The following RSRC1 variants were observed in gnomAD, a reference collection of about 807,000 sequenced individuals.
RSRC1 encodes the protein arginine and serine rich coiled-coil 1.
RSRC1 carries 39 observed loss-of-function variants against 49.1 expected under a neutral mutation model. That is an observed-to-expected ratio of 0.79 (90% CI 0.61 to 1.04). The LOEUF (loss-of-function observed/expected upper bound fraction) is 1.04, where lower values mean the gene tolerates loss of function less well. RSRC1 is among the 50% of genes least tolerant of loss of function. The pLI, the probability that RSRC1 is intolerant of heterozygous loss-of-function variation, is 0.00. For missense variants in RSRC1, 388 were observed against 402.4 expected (o/e 0.96, Z 0.31); for synonymous variants, 143 against 130.8 (o/e 1.09, Z -0.63).
At chr3:158,309,645 A>G (rs1728024136) in intron 5 of RSRC1, among the ~76,000 whole-genome samples, 3 of 151,834 alleles carry the variant, frequency 2.0e-5, no homozygotes, top group Non-Finnish European at 4.4e-5. Context: ...AAAAAACTAC[A>G]TGATTTAACT....
chr3:158,297,165 C>T (rs966791616), intron 4 of RSRC1, among the ~76,000 whole-genome samples: 1 of 151,914 alleles, frequency 6.6e-6, no homozygotes, highest in Non-Finnish European at 1.5e-5. Context: ...AAAGGTAATG[C>T]TTGGTACTTA....
intron 5 of RSRC1, among the ~76,000 whole-genome samples, chr3:158,308,450 T>C (rs1331155877): frequency 3.3e-5 from 5 of 151,944 alleles, no homozygotes; most frequent in Admixed American, 3.3e-4. Context: ...GTGTGCTACA[T>C]TTTGATCTCT....
At chr3:158,351,741 A>G (rs567996161) in intron 5 of RSRC1, among the ~76,000 whole-genome samples, 1 of 151,960 alleles carries the variant, frequency 6.6e-6, no homozygotes, top group South Asian at 2.1e-4. Flanking sequence ...ATCATTTACA[A>G]GTAGAGGCAA....
intron 7 of RSRC1, among the ~76,000 whole-genome samples, chr3:158,488,282 TAGGA>T (rs1395639347): frequency 6.6e-6 from 1 of 152,182 alleles, no homozygotes; most frequent in African/African-American, 2.4e-5. Flanking sequence ...TTCTAAATAA[TAGGA>T]AAGTATTGTG....
intron 3 of RSRC1, among the ~76,000 whole-genome samples, chr3:158,173,018 ATATG>A (rs907928289): frequency 6.6e-6 from 1 of 152,044 alleles, no homozygotes; most frequent in African/African-American, 2.4e-5. Context: ...TTTACAGTCG[ATATG>A]TATCTATCTA....
At chr3:158,436,052 A>G (rs1044982646) in intron 6 of RSRC1, among the ~76,000 whole-genome samples, 1 of 151,880 alleles carries the variant, frequency 6.6e-6, no homozygotes, top group Non-Finnish European at 1.5e-5. Flanking sequence ...TAAATCTTTA[A>G]TGTATTAACA....
intron 7 of RSRC1, among the ~76,000 whole-genome samples, chr3:158,494,711 CT>C (rs906457685): frequency 2.0e-4 from 30 of 152,016 alleles, no homozygotes; most frequent in African/African-American, 6.5e-4. Context: ...ACTGTTTTAA[CT>C]TTAAAACTTT....
chr3:158,163,686 C>T (rs1453192299), intron 3 of RSRC1, among the ~76,000 whole-genome samples: 1 of 151,732 alleles, frequency 6.6e-6, no homozygotes, highest in Non-Finnish European at 1.5e-5. Flanking sequence ...GTACATCATA[C>T]ACATCCATAT....
At chr3:158,445,637 C>A (rs1736666793) in intron 6 of RSRC1, among the ~76,000 whole-genome samples, 1 of 151,776 alleles carries the variant, frequency 6.6e-6, no homozygotes, top group Non-Finnish European at 1.5e-5. Flanking sequence ...CATGTACCCT[C>A]GAACTTATAA....
chr3:158,276,090 C>T, intron 4 of RSRC1: 3 of 885,854 alleles, frequency 3.4e-6, no homozygotes, highest in Non-Finnish European at 3.8e-6. Context: ...CTCTTAGAGC[C>T]CCACAGTGGC....
At position 158,278,621 on chromosome 3, in the gene RSRC1, T is replaced by A. The variant is rs144451271; in HGVS notation, c.495-19418T>A. Among the ~76,000 whole-genome samples the A allele has an allele frequency of 1.8e-4, 28 of 152,336 alleles. No individual in the cohort carries two copies. In the East Asian group the frequency reaches 4.6e-3, roughly 25 times the overall value. On this transcript the variant is annotated intron_variant, in intron 4 of 9. Transcript: ENST00000611884. ...TGCCTTATCTCTTCACTGGACATGT[T>A]GATGATATTCCCTGTGTCTTCAACA...
At chr3:158,262,027 T>A (rs1445969941) in intron 4 of RSRC1, among the ~76,000 whole-genome samples, 2 of 152,242 alleles carry the variant, frequency 1.3e-5, no homozygotes, top group African/African-American at 2.4e-5. Context: ...TCGTCTTTCA[T>A]GAAACCTGGT....
chr3:158,345,748 A>G (rs1408079918), intron 5 of RSRC1, among the ~76,000 whole-genome samples: 1 of 149,050 alleles, frequency 6.7e-6, no homozygotes, highest in African/African-American at 2.4e-5. Flanking sequence ...GAGTCTAGAA[A>G]GAGACTCATC....
chr3:158,158,471 C>T (rs1040123837), intron 3 of RSRC1, among the ~76,000 whole-genome samples: 2 of 152,174 alleles, frequency 1.3e-5, no homozygotes, highest in Non-Finnish European at 2.9e-5. Flanking sequence ...ACAAGTTTAT[C>T]TAAGACAGCG....
In RSRC1 at chr3:158,110,116, T is replaced by G. The variant is rs974141072; in HGVS notation, c.-110T>G. On this transcript the variant is annotated 5_prime_UTR_variant, in exon 1 of 10. Coordinates refer to ENST00000611884, the MANE Select transcript of RSRC1 (RefSeq NM_001271838.2). ...AACCAGGAAGGCGCTGAGCTTAAAC[T>G]GAAGCAAGTTCGGTGGACGCCGGCG... 3 of 152,230 alleles carry G rather than the reference T, an allele frequency of 2.0e-5. No homozygotes were observed. The highest frequency in any genetic ancestry group is 7.2e-5 in the African/African-American group (3 of 41,460). 9.4% of individuals were successfully genotyped at this position (152,230 alleles called of 1,614,324 possible).
chr3:158,351,535 C>T lies in RSRC1; in HGVS notation c.532-3322C>T, dbSNP rs1730873459. Among the ~76,000 whole-genome samples the T allele has an allele frequency of 2.0e-5, 3 of 152,196 alleles. No individual in the cohort carries two copies. The South Asian group carries it at 6.2e-4, about 31-fold the overall frequency. On this transcript the variant is annotated intron_variant, in intron 5 of 9. Transcript: ENST00000611884. Reference sequence around the variant, plus strand: ...ATAAATAAAATTTAGCAAGTTATATCTGCATAGGCAAATATTTTTAGAATC... The same window carrying T: ...ATAAATAAAATTTAGCAAGTTATATTTGCATAGGCAAATATTTTTAGAATC...
At chr3:158,137,690 G>A (rs1236771886) in intron 3 of RSRC1, among the ~76,000 whole-genome samples, 1 of 137,768 alleles carries the variant, frequency 7.3e-6, no homozygotes, top group Admixed American at 7.9e-5. Context: ...TCTTGCACCT[G>A]TCGCCCAGGC....
At chr3:158,345,204 G>C (rs1730481706) in intron 5 of RSRC1, among the ~76,000 whole-genome samples, 1 of 151,484 alleles carries the variant, frequency 6.6e-6, no homozygotes, top group African/African-American at 2.4e-5. Flanking sequence ...TCCAGTGTGG[G>C]CGACAGAGCA....
chr3:158,348,831 AC>A (rs1730707936), intron 5 of RSRC1, among the ~76,000 whole-genome samples: 1 of 152,098 alleles, frequency 6.6e-6, no homozygotes, highest in African/African-American at 2.4e-5. Flanking sequence ...ATAACTGAGA[AC>A]ATGTGATATT....
Sources: allele counts gnomAD v4.1 joint callset (sites outside exome capture counted in the v4.1 genomes callset), GRCh38; gene constraint gnomAD v4.1.1; transcripts MANE v1.5; gene names NCBI Gene and HGNC (gene_info 2026-07-23, HGNC 2026-07-21).